The following CDYL2 variants were observed in gnomAD, a reference collection of about 807,000 sequenced individuals.
The protein encoded by CDYL2 is chromodomain Y-like protein 2.
In CDYL2, 23 loss-of-function variants were observed where a neutral mutation model predicts 49.4. The ratio of observed to expected loss-of-function variants is 0.47; its 90% confidence interval spans 0.34 to 0.66. The LOEUF (loss-of-function observed/expected upper bound fraction) is 0.66, where lower values mean the gene tolerates loss of function less well. Among genes scored for constraint, CDYL2 ranks in the 30% least tolerant of loss-of-function variants. The probability of loss-of-function intolerance (pLI) is 0.01; values close to 1 mark genes in which losing one functional copy is unlikely to be tolerated. For missense variants in CDYL2, 678 were observed against 656.4 expected (o/e 1.03, Z -0.36); for synonymous variants, 360 against 268.8 (o/e 1.34, Z -3.32).
chr16:80,626,401 G>A, intron 3 of CDYL2, among the ~76,000 whole-genome samples: 1 of 151,980 alleles, frequency 6.6e-6, no homozygotes, highest in African/African-American at 2.4e-5. Context: ...GCGTACAACT[G>A]TAGTAGCAGG....
chr16:80,630,052 T>C (rs1907487581), intron 3 of CDYL2, among the ~76,000 whole-genome samples: 1 of 152,184 alleles, frequency 6.6e-6, no homozygotes, highest in African/African-American at 2.4e-5. Context: ...GGAAGCCAGG[T>C]CTGCTAGACT....
At chr16:80,626,153 C>T (rs997482187) in intron 3 of CDYL2, among the ~76,000 whole-genome samples, 2 of 150,526 alleles carry the variant, frequency 1.3e-5, no homozygotes, top group African/African-American at 4.9e-5. Context: ...AAAAAATTAG[C>T]CAGGCATGGT....
chr16:80,761,312 G>C (rs886942173), intron 1 of CDYL2, among the ~76,000 whole-genome samples: 10 of 152,188 alleles, frequency 6.6e-5, no homozygotes, highest in African/African-American at 2.2e-4. Flanking sequence ...TGTGACTTTG[G>C]AAAAGTTATT....
chr16:80,686,676 G>C (rs1910208490), intron 1 of CDYL2, among the ~76,000 whole-genome samples: 1 of 152,192 alleles, frequency 6.6e-6, no homozygotes, highest in East Asian at 1.9e-4. Context: ...AAAAAACTTT[G>C]AAAAGTGGGA....
At chr16:80,682,358 A>G (rs1910000938) in intron 2 of CDYL2, among the ~76,000 whole-genome samples, 1 of 152,218 alleles carries the variant, frequency 6.6e-6, no homozygotes, top group African/African-American at 2.4e-5. Context: ...AGGACAATCA[A>G]CGGATCTCAA....
intron 1 of CDYL2, among the ~76,000 whole-genome samples, chr16:80,773,583 A>G (rs1273680709): frequency 2.0e-5 from 3 of 152,206 alleles, no homozygotes; most frequent in Non-Finnish European, 4.4e-5. Context: ...ATTCTGATAC[A>G]TCTTAAAGTT....
In CDYL2 at chr16:80,720,054, C is replaced by A. The variant is rs537450790; in HGVS notation, c.25-34925G>T. Among the ~76,000 whole-genome samples, 6 of 152,322 alleles carry A rather than the reference C, an allele frequency of 3.9e-5. No individual in the cohort carries two copies. The South Asian group carries it at 1.0e-3, about 26-fold the overall frequency. ...GCCTTGACACTGTAAAGCCACCAGC[C>A]TTTAGTGGTCGAGCAAATAATATTT... On this transcript the variant is annotated intron_variant, in intron 1 of 6. Coordinates refer to ENST00000570137, the MANE Select transcript of CDYL2 (RefSeq NM_152342.4).
Position 80,693,912 on chromosome 16 carries a change from G to T in CDYL2, c.25-8783C>A, listed in dbSNP as rs531357623. On this transcript the variant is annotated intron_variant, in intron 1 of 6. Transcript: ENST00000570137. ...AAATGAATCTCACTGTATTACAGAT[G>T]TATGATACAACCTAAATACAAGAGA... 2.0e-5 allele frequency among the ~76,000 whole-genome samples: 3 copies of T among 152,324 alleles called. No individual in the cohort carries two copies. In the South Asian group the frequency reaches 6.2e-4, roughly 32 times the overall value.
chr16:80,732,966 A>G (rs894843475), intron 1 of CDYL2, among the ~76,000 whole-genome samples: 2 of 152,214 alleles, frequency 1.3e-5, no homozygotes, highest in Admixed American at 6.6e-5. Context: ...AAGTATCATT[A>G]TCTATTTAGT....
intron 1 of CDYL2, among the ~76,000 whole-genome samples, chr16:80,700,930 G>A (rs1042267716): frequency 2.6e-5 from 4 of 152,176 alleles, no homozygotes; most frequent in African/African-American, 4.8e-5. Context: ...GAGTTGTAAC[G>A]CCGTGCAGCT....
intron 1 of CDYL2, among the ~76,000 whole-genome samples, chr16:80,741,392 G>A (rs960048756): frequency 2.0e-5 from 3 of 151,426 alleles, no homozygotes; most frequent in East Asian, 1.9e-4. Flanking sequence ...GACAGACAAG[G>A]TCTAGGCTTA....
intron 2 of CDYL2, among the ~76,000 whole-genome samples, chr16:80,673,310 A>C (rs1909608364): frequency 6.6e-6 from 1 of 152,116 alleles, no homozygotes; most frequent in South Asian, 2.1e-4. Context: ...ACAGAGCAAG[A>C]CTCTGTCTCA....
chr16:80,767,105 C>A (rs1042054163), intron 1 of CDYL2, among the ~76,000 whole-genome samples: 5 of 152,054 alleles, frequency 3.3e-5, no homozygotes, highest in Non-Finnish European at 7.4e-5. Context: ...ACACACACAC[C>A]ACACTGCCTC....
At chr16:80,757,038 C>G (rs1004128797) in intron 1 of CDYL2, among the ~76,000 whole-genome samples, 7 of 152,076 alleles carry the variant, frequency 4.6e-5, no homozygotes, top group Non-Finnish European at 1.0e-4. Flanking sequence ...GGGTAAGACT[C>G]CCATCACAAT....
At chr16:80,685,177 A>T in intron 1 of CDYL2, 48 bp from the exon 2 acceptor site, 1 of 1,483,308 alleles carries the variant, frequency 6.7e-7, no homozygotes, top group Non-Finnish European at 9.2e-7. Context: ...GAGGGAGGAA[A>T]AAACTCAGTT....
chr16:80,790,773 A>G (rs1907583871), intron 1 of CDYL2, among the ~76,000 whole-genome samples: 1 of 152,060 alleles, frequency 6.6e-6, no homozygotes, highest in Admixed American at 6.6e-5. Flanking sequence ...TCTCAGCTCC[A>G]CTCTTGATCA....
At chr16:80,772,468 T>TGGG (rs756428602) in intron 1 of CDYL2, among the ~76,000 whole-genome samples, 1 of 152,234 alleles carries the variant, frequency 6.6e-6, no homozygotes, top group South Asian at 2.1e-4. Context: ...TTTTATTTTT[T>TGGG]GGGAGACGGA....
At chr16:80,637,432 T>C (rs918716536) in intron 2 of CDYL2, among the ~76,000 whole-genome samples, 1 of 152,130 alleles carries the variant, frequency 6.6e-6, no homozygotes, top group Non-Finnish European at 1.5e-5. Context: ...AATAAAAGTA[T>C]ATAAAGTTTG....
At chr16:80,758,080 C>T (rs933756075) in intron 1 of CDYL2, among the ~76,000 whole-genome samples, 5 of 151,834 alleles carry the variant, frequency 3.3e-5, no homozygotes, top group Non-Finnish European at 5.9e-5. Context: ...CATTAGATAA[C>T]TGAAAAAAAT....
Sources: gnomAD v4.1 joint callset for allele counts (sites outside exome capture counted in the v4.1 genomes callset) on GRCh38, gnomAD v4.1.1 for gene constraint, MANE v1.5 for transcripts, NCBI Gene and HGNC (gene_info 2026-07-23, HGNC 2026-07-21) for gene names.